The following RAB38 variants were observed in gnomAD, a reference collection of about 807,000 sequenced individuals.
The protein encoded by RAB38 is ras-related protein Rab-38.
RAB38 carries 15 observed loss-of-function variants against 18.4 expected under a neutral mutation model. The observed-to-expected ratio is 0.82, with a 90% CI of 0.55 to 1.26. The LOEUF is 1.26. RAB38 is among the 50% of genes most tolerant of loss of function. The probability of loss-of-function intolerance (pLI) is 0.00; values close to 1 mark genes in which losing one functional copy is unlikely to be tolerated. For missense variants in RAB38, 294 were observed against 267.4 expected, an observed-to-expected ratio of 1.10 and a Z score of -0.69; for synonymous variants, 101 against 104.4, an observed-to-expected ratio of 0.97 and a Z score of 0.20.
chr11:88,055,857 A>G, the RAB38 span, among the ~76,000 whole-genome samples: 1 of 152,188 alleles, frequency 6.6e-6, no homozygotes. Flanking sequence ...ACTTTGAAAG[A>G]AAGAACTACT....
chr11:88,157,619 A>G (rs988863986), intron 1 of RAB38, among the ~76,000 whole-genome samples: 1 of 152,186 alleles, frequency 6.6e-6, no homozygotes, highest in African/African-American at 2.4e-5. Context: ...AATTCGAAAA[A>G]AATTGAAAAT....
chr11:87,941,212 G>GATATATATATATATATATATATAT, the RAB38 span, among the ~76,000 whole-genome samples: 232 of 37,678 alleles, frequency 6.2e-3, 32 homozygotes, highest in South Asian at 0.017. Context: ...ATAAATATAT[G>GATATATATATATATATATATATAT]AGATATATAT....
chr11:88,117,396 G>A (rs192628970), intron 2 of RAB38, among the ~76,000 whole-genome samples: 2 of 152,170 alleles, frequency 1.3e-5, no homozygotes, highest in East Asian at 3.9e-4. Flanking sequence ...AGCCATTGAG[G>A]GTTTTTTTCA....
the RAB38 span, among the ~76,000 whole-genome samples, chr11:88,042,175 C>G: frequency 1.3e-5 from 2 of 152,126 alleles, no homozygotes; most frequent in Non-Finnish European, 2.9e-5. Context: ...AATCATAGGT[C>G]ATAGACTTCC....
the RAB38 span, among the ~76,000 whole-genome samples, chr11:88,027,019 T>C: frequency 1.2e-4 from 18 of 152,334 alleles, no homozygotes; most frequent in African/African-American, 4.1e-4. Flanking sequence ...ATTTTTTAAA[T>C]TGACACTGAG....
At chr11:88,037,932 TAAAC>T in the RAB38 span, among the ~76,000 whole-genome samples, 1 of 152,250 alleles carries the variant, frequency 6.6e-6, no homozygotes, top group East Asian at 1.9e-4. Flanking sequence ...CCAAAAGGTA[TAAAC>T]AATCATAAAG....
chr11:88,137,520 G>T (rs530147248), intron 2 of RAB38, among the ~76,000 whole-genome samples: 1 of 151,878 alleles, frequency 6.6e-6, no homozygotes, highest in East Asian at 1.9e-4. Flanking sequence ...CTAATAAACA[G>T]AATAAAACAA....
At chr11:88,138,183 A>G (rs1255059005) in intron 2 of RAB38, among the ~76,000 whole-genome samples, 1 of 152,214 alleles carries the variant, frequency 6.6e-6, no homozygotes, top group Non-Finnish European at 1.5e-5. Context: ...TGCATAAGGA[A>G]AGGAGAGGAT....
the RAB38 span, among the ~76,000 whole-genome samples, chr11:87,927,532 T>C: frequency 6.6e-6 from 1 of 151,974 alleles, no homozygotes; most frequent in East Asian, 1.9e-4. Context: ...ATACATGACA[T>C]AGTACTCATA....
chr11:87,894,046 A>T, the RAB38 span, among the ~76,000 whole-genome samples: 1 of 151,692 alleles, frequency 6.6e-6, no homozygotes, highest in Non-Finnish European at 1.5e-5. Flanking sequence ...CCAATCCATA[A>T]ACATGGAATG....
chr11:88,163,717 T>C (rs1943214531), intron 1 of RAB38, among the ~76,000 whole-genome samples: 2 of 152,178 alleles, frequency 1.3e-5, no homozygotes, highest in Non-Finnish European at 2.9e-5. Context: ...TGACCTACTT[T>C]TGAAATACAT....
the RAB38 span, among the ~76,000 whole-genome samples, chr11:88,021,867 A>AC: frequency 1.3e-5 from 2 of 150,504 alleles, no homozygotes; most frequent in Admixed American, 1.3e-4. Flanking sequence ...AAAAAAAAAA[A>AC]AAGTATTCTT....
At chr11:88,018,235 G>C in the RAB38 span, among the ~76,000 whole-genome samples, 1 of 151,988 alleles carries the variant, frequency 6.6e-6, no homozygotes, top group Admixed American at 6.6e-5. Context: ...GTCTGTACCC[G>C]TATACACTTA....
the RAB38 span, among the ~76,000 whole-genome samples, chr11:88,032,605 A>C: frequency 6.6e-6 from 1 of 152,262 alleles, no homozygotes; most frequent in Non-Finnish European, 1.5e-5. Flanking sequence ...ACATTTATGC[A>C]GCCAAAAAAC....
chr11:87,889,001 A>G, the RAB38 span, among the ~76,000 whole-genome samples: 1 of 152,062 alleles, frequency 6.6e-6, no homozygotes, highest in Non-Finnish European at 1.5e-5. Context: ...ATTAGTGCTC[A>G]TGTGACTCTA....
At chr11:88,071,705 T>C in the RAB38 span, among the ~76,000 whole-genome samples, 1 of 152,080 alleles carries the variant, frequency 6.6e-6, no homozygotes, top group Non-Finnish European at 1.5e-5. Context: ...TAATAAACAA[T>C]AGCAATTGAT....
At chr11:87,898,657 A>G in the RAB38 span, among the ~76,000 whole-genome samples, 1 of 151,718 alleles carries the variant, frequency 6.6e-6, no homozygotes, top group African/African-American at 2.4e-5. Context: ...GGTTCCAAAA[A>G]TGAACATTGT....
the RAB38 span, among the ~76,000 whole-genome samples, chr11:88,004,001 A>AT: frequency 0.032 from 4,026 of 127,242 alleles, 150 homozygotes; most frequent in South Asian, 0.066. Context: ...ATATATATAT[A>AT]AAAAAGGTAT....
At chr11:88,155,286 A>C (rs1943111469) in intron 1 of RAB38, among the ~76,000 whole-genome samples, 1 of 152,212 alleles carries the variant, frequency 6.6e-6, no homozygotes, top group South Asian at 2.1e-4. Context: ...GCCTGAGGCA[A>C]CAGAGAGCTT....
Sources: allele counts gnomAD v4.1 joint callset (sites outside exome capture counted in the v4.1 genomes callset), GRCh38; gene constraint gnomAD v4.1.1; transcripts MANE v1.5; gene names NCBI Gene and HGNC (gene_info 2026-07-23, HGNC 2026-07-21).